The following CYBB variants were observed in gnomAD, a reference collection of about 807,000 sequenced individuals.
CYBB encodes cytochrome b-245 beta chain.
Under a neutral mutation model 46.5 loss-of-function variants are expected in CYBB, and 5 were observed. That is an observed-to-expected ratio of 0.11 (90% CI 0.06 to 0.23). The LOEUF is 0.23. Ranked by LOEUF, CYBB falls within the 10% of genes least tolerant of loss-of-function variation. CYBB has a pLI of 1.00. For synonymous variants in CYBB, 183 were observed against 156.7 expected (o/e 1.17, Z -1.26); for missense variants, 307 against 428.3 (o/e 0.72, Z 2.50).
At chrX:37,789,617 C>A (rs1258612672) in intron 3 of CYBB, among the ~76,000 whole-genome samples, 1 of 103,297 alleles carries the variant, frequency 9.7e-6, no homozygotes, top group African/African-American at 3.7e-5. Flanking sequence ...TTAAGGAATA[C>A]AAAGTAGAAA....
intron 6 of CYBB, chrX:37,798,185 C>G (rs1204380619): frequency 9.0e-6 from 1 of 111,696 alleles, no homozygotes. Context: ...TCTGAAGATG[C>G]TGTCATTTAT....
chrX:37,790,094 A>T (rs990585062), intron 3 of CYBB, among the ~76,000 whole-genome samples: 1 of 112,135 alleles, frequency 8.9e-6, no homozygotes, highest in Non-Finnish European at 1.9e-5. Context: ...CCCGTTAGGT[A>T]AAAACCAAAG....
At chrX:37,798,060 T>C (rs1929351900) in intron 6 of CYBB, among the ~76,000 whole-genome samples, 1 of 111,035 alleles carries the variant, frequency 9.0e-6, no homozygotes, top group Admixed American at 9.5e-5. Context: ...TAGAAAGGAG[T>C]GGTTAATGAA....
chrX:37,785,711 T>A (rs1427100687), intron 3 of CYBB, among the ~76,000 whole-genome samples: 2 of 111,110 alleles, frequency 1.8e-5, no homozygotes, highest in African/African-American at 6.6e-5. Flanking sequence ...GCCTGGCGAG[T>A]TCCTTGTTTC....
At chrX:37,780,526 C>T (rs1020155117) in intron 1 of CYBB, among the ~76,000 whole-genome samples, 8 of 111,131 alleles carry the variant, frequency 7.2e-5, no homozygotes, top group Non-Finnish European at 1.5e-4. Context: ...AAGATTGACT[C>T]ATGTATGGGA....
At chrX:37,802,198 G>A (rs1929461055) in intron 8 of CYBB, among the ~76,000 whole-genome samples, 1 of 111,406 alleles carries the variant, frequency 9.0e-6, no homozygotes, top group African/African-American at 3.3e-5. Context: ...GTGGGTCATA[G>A]TAAAGTTAGT....
intron 4 of CYBB, among the ~76,000 whole-genome samples, chrX:37,793,280 C>G: frequency 9.2e-6 from 1 of 109,148 alleles, no homozygotes; most frequent in Non-Finnish European, 1.9e-5. Flanking sequence ...TGAGTGTTTT[C>G]TTGTTTGAGC....
chrX:37,787,112 G>A (rs1384672115), intron 3 of CYBB, among the ~76,000 whole-genome samples: 1 of 111,808 alleles, frequency 8.9e-6, no homozygotes, highest in Non-Finnish European at 1.9e-5. Context: ...AAGGAGCTTA[G>A]AGTGTTAACA....
At chrX:37,793,887 T>A in intron 5 of CYBB, 77 bp downstream of exon 5, 1 of 977,009 alleles carries the variant, frequency 1.0e-6, no homozygotes, top group Non-Finnish European at 1.4e-6. Context: ...AGTGAAGACC[T>A]CTCCTTTGCC....
intron 3 of CYBB, among the ~76,000 whole-genome samples, chrX:37,789,237 G>A (rs1277095580): frequency 1.8e-5 from 2 of 111,125 alleles, no homozygotes. Context: ...TGGGTTTGTT[G>A]GCCCAGATAA....
At chrX:37,784,827 C>G (rs990038030) in intron 3 of CYBB, among the ~76,000 whole-genome samples, 2 of 111,796 alleles carry the variant, frequency 1.8e-5, no homozygotes, top group Non-Finnish European at 3.8e-5. Context: ...AGATGCCTGA[C>G]ATAAGGCTGG....
intron 7 of CYBB, among the ~76,000 whole-genome samples, chrX:37,800,763 T>G (rs1212943083): frequency 8.9e-6 from 1 of 112,207 alleles, no homozygotes; most frequent in African/African-American, 3.2e-5. Flanking sequence ...CTCCCAGAAT[T>G]TCTCAGAATA....
intron 12 of CYBB, among the ~76,000 whole-genome samples, chrX:37,810,499 C>T (rs781882340): frequency 1.8e-5 from 2 of 112,116 alleles, no homozygotes; most frequent in African/African-American, 6.5e-5. Context: ...AAGTAGCCCA[C>T]GGACTCATGA....
chrX:37,788,738 G>C (rs1446315830), intron 3 of CYBB, among the ~76,000 whole-genome samples: 1 of 111,426 alleles, frequency 9.0e-6, no homozygotes, highest in East Asian at 2.8e-4. Context: ...GTGTAATTCA[G>C]TACTGCTTTC....
intron 11 of CYBB, 67 bp from the exon 12 acceptor site, chrX:37,809,500 G>A: frequency 2.6e-6 from 3 of 1,132,664 alleles, no homozygotes; most frequent in Non-Finnish European, 3.6e-6. Context: ...TGTGAAGGAT[G>A]TAAATACATT....
In CYBB at chrX:37,799,122, C is replaced by T; in HGVS notation, c.804+38C>T. 3 of 1,163,312 alleles carry T rather than the reference C, an allele frequency of 2.6e-6. No individual in the cohort carries two copies. The Admixed American group carries it at 6.5e-5, about 25-fold the overall frequency. On this transcript the variant is annotated intron_variant, in intron 7 of 12. Coordinates refer to ENST00000378588, the MANE Select transcript of CYBB (RefSeq NM_000397.4). ...CATTGTTGTTATTACAGTTTCATTA[C>T]TGACAATCTTTAACCTGTGTCTAAG...
intron 3 of CYBB, among the ~76,000 whole-genome samples, chrX:37,788,286 CA>C (rs1222755704): frequency 9.0e-6 from 1 of 111,513 alleles, no homozygotes; most frequent in African/African-American, 3.3e-5. Flanking sequence ...GAATTTTCCC[CA>C]AAAAATTTCA....
At chrX:37,786,396 G>T (rs1929066374) in intron 3 of CYBB, among the ~76,000 whole-genome samples, 2 of 111,915 alleles carry the variant, frequency 1.8e-5, no homozygotes. Flanking sequence ...ATCCTAGAAA[G>T]CCATTATATA....
rs1169278888 is a variant in CYBB at position 37,805,502 on chromosome X, T to G, written c.1314+334T>G. On this transcript the variant is annotated intron_variant, in intron 10 of 12. Transcript: ENST00000378588. ...TCTAATATTTTCCATGTTTACATAT[T>G]TTTAGAAGGTTGTAAATATTAAGTA... Among the ~76,000 whole-genome samples the G allele has an allele frequency of 5.3e-5, 6 of 112,151 alleles. No homozygotes were observed. In the Admixed American group the frequency reaches 5.7e-4, roughly 11 times the overall value.
Sources: gnomAD v4.1 joint callset for allele counts (sites outside exome capture counted in the v4.1 genomes callset) on GRCh38, gnomAD v4.1.1 for gene constraint, MANE v1.5 for transcripts, NCBI Gene and HGNC (gene_info 2026-07-23, HGNC 2026-07-21) for gene names.